Variants in PDE1C observed in about 807,000 individuals in gnomAD.
PDE1C encodes the protein dual specificity calcium/calmodulin-dependent 3',5'-cyclic nucleotide phosphodiesterase 1C.
Under a neutral mutation model 93.1 loss-of-function variants are expected in PDE1C, and 62 were observed. That is an observed-to-expected ratio of 0.67 (90% CI 0.54 to 0.82). PDE1C has a LOEUF of 0.82. Ranked by LOEUF, PDE1C falls within the 40% of genes least tolerant of loss-of-function variation. The pLI is 0.00. For missense variants in PDE1C, 742 were observed against 884.6 expected (o/e 0.84, Z 2.04); for synonymous variants, 325 against 310.1 (o/e 1.05, Z -0.50).
chr7:31,856,807 C>T (rs544486293), intron 7 of PDE1C, among the ~76,000 whole-genome samples: 3 of 151,858 alleles, frequency 2.0e-5, no homozygotes, highest in South Asian at 2.1e-4. Flanking sequence ...GCTCGGGCTG[C>T]CATAACAAAA....
rs188182516 is a variant in PDE1C, at chr7:31,855,059, T to G, written c.751-4318A>C. Among the ~76,000 whole-genome samples the G allele has an allele frequency of 3.5e-3, 364 of 103,878 alleles. 1 individual carries two copies. Among genetic ancestry groups the G allele is most frequent in the Non-Finnish European group, 5.4e-3 (295 of 54,392 alleles). 68.1% of individuals were successfully genotyped at this position (103,878 alleles called of 152,430 possible). A position where few individuals can be genotyped will look rare whatever the true frequency, so the allele number is the denominator to read the frequency against. On this transcript the variant is annotated intron_variant, in intron 7 of 17. Transcript: ENST00000396191. Reference sequence around the variant, plus strand: ...TCCAGCCTGGGTGACAGAGCGAGACTCCCTCTGTCTAAAAAAAAAAAAAAA... The same window carrying G: ...TCCAGCCTGGGTGACAGAGCGAGACGCCCTCTGTCTAAAAAAAAAAAAAAA...
At chr7:31,978,742 C>T (rs560624395) in intron 2 of PDE1C, among the ~76,000 whole-genome samples, 3 of 152,250 alleles carry the variant, frequency 2.0e-5, no homozygotes, top group African/African-American at 7.2e-5. Context: ...CACTTTTCAA[C>T]AGAAATTTCT....
chr7:31,957,603 T>G (rs1476042794), intron 2 of PDE1C, among the ~76,000 whole-genome samples: 1 of 152,158 alleles, frequency 6.6e-6, no homozygotes, highest in African/African-American at 2.4e-5. Context: ...AATTCTTTCT[T>G]TTTTTTATAT....
intron 2 of PDE1C, among the ~76,000 whole-genome samples, chr7:32,015,735 C>T (rs1218988113): frequency 6.6e-6 from 1 of 151,182 alleles, no homozygotes; most frequent in Non-Finnish European, 1.5e-5. Flanking sequence ...GAGGAAAACA[C>T]CAAAAAAAAG....
chr7:32,389,562 A>C (rs1784713517), intron 1 of PDE1C, among the ~76,000 whole-genome samples: 1 of 152,200 alleles, frequency 6.6e-6, no homozygotes, highest in East Asian at 1.9e-4. Context: ...AAATGATGAC[A>C]CTTCATGGGA....
chr7:31,702,356 T>C, the PDE1C span, among the ~76,000 whole-genome samples: 1 of 152,092 alleles, frequency 6.6e-6, no homozygotes, highest in Non-Finnish European at 1.5e-5. Flanking sequence ...AATGGAGAAA[T>C]GGTCCAAGGA....
intron 2 of PDE1C, among the ~76,000 whole-genome samples, chr7:31,900,134 A>C (rs1046668671): frequency 1.4e-4 from 21 of 152,310 alleles, no homozygotes; most frequent in South Asian, 8.3e-4. Context: ...CACAAAAAGA[A>C]ATGTTCAAAA....
intron 2 of PDE1C, among the ~76,000 whole-genome samples, chr7:32,015,617 A>G (rs574302310): frequency 2.0e-5 from 3 of 151,798 alleles, no homozygotes; most frequent in African/African-American, 7.2e-5. Flanking sequence ...CAAAGATGCC[A>G]TAAAGAAAAA....
At chr7:31,916,295 TG>T in intron 2 of PDE1C, among the ~76,000 whole-genome samples, 1 of 152,258 alleles carries the variant, frequency 6.6e-6, no homozygotes, top group Admixed American at 6.5e-5. Flanking sequence ...CAAACCTACA[TG>T]GTGATTTGCA....
chr7:31,812,327 A>C (rs1338718249), intron 15 of PDE1C, among the ~76,000 whole-genome samples: 1 of 152,048 alleles, frequency 6.6e-6, no homozygotes, highest in Non-Finnish European at 1.5e-5. Context: ...CTTCAAAATG[A>C]ATTATTATTT....
At chr7:32,038,516 T>C (rs1791408488) in intron 2 of PDE1C, among the ~76,000 whole-genome samples, 1 of 152,158 alleles carries the variant, frequency 6.6e-6, no homozygotes, top group African/African-American at 2.4e-5. Context: ...CACAACCCTT[T>C]GAATTAGGTA....
chr7:32,390,006 G>A (rs79480528), intron 1 of PDE1C, among the ~76,000 whole-genome samples: 4 of 152,242 alleles, frequency 2.6e-5, no homozygotes, highest in Non-Finnish European at 5.9e-5. Context: ...ATAAAACCAA[G>A]TGATAACTCA....
At chr7:32,014,096 G>A (rs1787534640) in intron 2 of PDE1C, among the ~76,000 whole-genome samples, 1 of 152,208 alleles carries the variant, frequency 6.6e-6, no homozygotes, top group Non-Finnish European at 1.5e-5. Flanking sequence ...AAAGAGACTG[G>A]TCGGGATAGC....
chr7:32,015,616 C>T (rs1787792714), intron 2 of PDE1C, among the ~76,000 whole-genome samples: 1 of 151,866 alleles, frequency 6.6e-6, no homozygotes, highest in South Asian at 2.1e-4. Flanking sequence ...ACAAAGATGC[C>T]ATAAAGAAAA....
chr7:31,837,032 G>A (rs1791202521), intron 11 of PDE1C, 148 bp downstream of exon 11: 3 of 600,910 alleles, frequency 5.0e-6, no homozygotes, highest in Non-Finnish European at 5.4e-6. Flanking sequence ...AATATCACAT[G>A]ACCAAGAGGC....
intron 2 of PDE1C, among the ~76,000 whole-genome samples, chr7:31,952,394 C>T (rs574133093): frequency 1.3e-5 from 2 of 152,220 alleles, no homozygotes; most frequent in South Asian, 4.2e-4. Flanking sequence ...GGATTACAGG[C>T]ATAAGCTACC....
chr7:32,267,117 A>G (rs1810632396), intron 1 of PDE1C, among the ~76,000 whole-genome samples: 2 of 152,324 alleles, frequency 1.3e-5, no homozygotes, highest in Non-Finnish European at 2.9e-5. Context: ...CCTCGACCCA[A>G]AGCCCTGAGC....
the PDE1C span, among the ~76,000 whole-genome samples, chr7:31,619,086 T>C: frequency 6.6e-6 from 1 of 152,252 alleles, no homozygotes; most frequent in Non-Finnish European, 1.5e-5. Context: ...TTGTAAAGCA[T>C]GGTGACATTA....
intron 9 of PDE1C, among the ~76,000 whole-genome samples, chr7:31,838,808 T>C (rs1791443523): frequency 6.6e-6 from 1 of 152,090 alleles, no homozygotes; most frequent in South Asian, 2.1e-4. Context: ...ATGTAATGAG[T>C]TTAACAGTTG....
Sources: gnomAD v4.1 joint callset for allele counts (sites outside exome capture counted in the v4.1 genomes callset) on GRCh38, gnomAD v4.1.1 for gene constraint, MANE v1.5 for transcripts, NCBI Gene and HGNC (gene_info 2026-07-23, HGNC 2026-07-21) for gene names.